FAM178B: variants seen among roughly 807,000 people sequenced by gnomAD.
FAM178B encodes family with sequence similarity 178 member B, also known as protein FAM178B.
In FAM178B, 82 loss-of-function variants were observed where a neutral mutation model predicts 91.7. The observed-to-expected ratio is 0.89, with a 90% CI of 0.75 to 1.07. The LOEUF is 1.07. Among genes scored for constraint, FAM178B ranks in the 50% least tolerant of loss-of-function variants. The probability of loss-of-function intolerance (pLI) is 0.00; values close to 1 mark genes in which losing one functional copy is unlikely to be tolerated. For missense variants in FAM178B, 769 were observed against 846.7 expected, an observed-to-expected ratio of 0.91 and a Z score of 1.14; for synonymous variants, 368 against 359.4, an observed-to-expected ratio of 1.02 and a Z score of -0.27.
At position 96,926,452 on chromosome 2, in the gene FAM178B, T is replaced by G. The variant is rs776996657; in HGVS notation, c.1193+2754A>C. On this transcript the variant is annotated intron_variant, in intron 9 of 16. Coordinates refer to ENST00000490605, the MANE Select transcript of FAM178B (RefSeq NM_001122646.3). The stretch of plus-strand genomic sequence containing the variant: ...TAGCAGGAACAGCCTTGGAGGACCA[T>G]GCACAGCTACCTAAAGACCTCCTTT... Among the ~76,000 whole-genome samples, 24 of 152,204 alleles carry G rather than the reference T, an allele frequency of 1.6e-4. No individual in the cohort carries two copies. In the East Asian group the frequency reaches 4.6e-3, roughly 29 times the overall value.
intron 13 of FAM178B, among the ~76,000 whole-genome samples, chr2:96,897,592 T>C (rs1045949837): frequency 1.3e-5 from 2 of 152,184 alleles, no homozygotes; most frequent in African/African-American, 4.8e-5. Flanking sequence ...CTAGAGTCCT[T>C]GTCTCTGTTC....
intron 6 of FAM178B, among the ~76,000 whole-genome samples, chr2:96,956,150 C>T (rs768337877): frequency 1.2e-4 from 19 of 152,232 alleles, no homozygotes; most frequent in Non-Finnish European, 2.1e-4. Flanking sequence ...CTTCCGCCCC[C>T]GAGTGGGATG....
intron 12 of FAM178B, among the ~76,000 whole-genome samples, chr2:96,905,816 GTGTATATATATATATATATATATATA>G (rs2081021822): frequency 2.9e-3 from 105 of 36,746 alleles, no homozygotes; most frequent in African/African-American, 8.7e-3. Flanking sequence ...ACATATATGT[GTGTATATATATATATATATATATATA>G]TATATATATA....
intron 8 of FAM178B, among the ~76,000 whole-genome samples, chr2:96,930,528 C>G (rs1468708292): frequency 2.0e-5 from 3 of 152,202 alleles, no homozygotes; most frequent in Admixed American, 6.5e-5. Flanking sequence ...CTCCTTCTGT[C>G]TCTCCCCGGT....
chr2:96,901,416 C>T (rs1362080594), intron 13 of FAM178B, among the ~76,000 whole-genome samples: 1 of 151,964 alleles, frequency 6.6e-6, no homozygotes, highest in Non-Finnish European at 1.5e-5. Context: ...TCAAGTGATC[C>T]GCCCACCTCG....
chr2:96,933,917 G>A (rs1276654290), intron 8 of FAM178B, among the ~76,000 whole-genome samples: 1 of 152,196 alleles, frequency 6.6e-6, no homozygotes, highest in Non-Finnish European at 1.5e-5. Flanking sequence ...TTTACGGGAG[G>A]CTTAAAATCC....
At chr2:96,905,768 C>G (rs1164510547) in intron 12 of FAM178B, among the ~76,000 whole-genome samples, 1 of 135,082 alleles carries the variant, frequency 7.4e-6, no homozygotes, top group Non-Finnish European at 1.5e-5. Context: ...GAAAACTCGT[C>G]TCTACTAAAA....
rs556121443 is a variant in FAM178B at position 96,971,992 on chromosome 2, T to A, written c.473A>T (p.His158Leu). The change falls in exon 3 of 17, where the codon CAC (histidine) becomes CTC (leucine). Residue 158 changes from histidine (H) to leucine (L), a missense_variant. Physicochemically the swap from His to Leu is moderately conservative, Grantham distance 99. Transcript: ENST00000490605. ...GCCCCTCTTCGGGTCCAAGTCCAGG[T>A]GTTCCTGCTCCAACTCCTCGGGCAG... ...GELPEELEQE[H>L]LDLDPKRGLA... The A allele has an allele frequency of 6.4e-7, 1 of 1,561,534 alleles. No homozygotes were observed. Among genetic ancestry groups the A allele is most frequent in the South Asian group, 1.2e-5 (1 of 84,704 alleles).
intron 13 of FAM178B, among the ~76,000 whole-genome samples, chr2:96,897,150 A>G (rs909660257): frequency 2.0e-5 from 3 of 152,184 alleles, no homozygotes; most frequent in Non-Finnish European, 4.4e-5. Context: ...TAGAGGAGTG[A>G]GCCACAGCGC....
intron 12 of FAM178B, among the ~76,000 whole-genome samples, chr2:96,906,176 G>A (rs529070539): frequency 4.0e-5 from 6 of 148,558 alleles, no homozygotes. Context: ...GAGCCACCGC[G>A]CCCAGCCAAT....
chr2:96,894,075 C>A, intron 13 of FAM178B, 24 bp from the exon 14 acceptor site: 2 of 1,588,506 alleles, frequency 1.3e-6, no homozygotes, highest in South Asian at 2.3e-5. Flanking sequence ...GGGAGGCTGT[C>A]ACTCACAGAG....
At chr2:96,890,953 T>C (rs576267494) in intron 14 of FAM178B, among the ~76,000 whole-genome samples, 14 of 152,360 alleles carry the variant, frequency 9.2e-5, no homozygotes, top group South Asian at 4.1e-4. Flanking sequence ...CACAGGGCCA[T>C]AGATAACCAA....
At chr2:96,896,547 G>A (rs2080828032) in intron 13 of FAM178B, among the ~76,000 whole-genome samples, 2 of 152,128 alleles carry the variant, frequency 1.3e-5, no homozygotes, top group Non-Finnish European at 2.9e-5. Context: ...CACCTAGGGC[G>A]AGAAGCAATG....
At chr2:96,879,972 G>A (rs977939338) in intron 14 of FAM178B, among the ~76,000 whole-genome samples, 1 of 152,216 alleles carries the variant, frequency 6.6e-6, no homozygotes, top group Non-Finnish European at 1.5e-5. Flanking sequence ...ACAGCTCACT[G>A]CCCCCTTGTC....
At chr2:96,914,195 C>A (rs2081204882) in intron 12 of FAM178B, among the ~76,000 whole-genome samples, 1 of 152,092 alleles carries the variant, frequency 6.6e-6, no homozygotes, top group Non-Finnish European at 1.5e-5. Flanking sequence ...TCCTGGTAGT[C>A]CGTGGAGAAA....
At chr2:96,900,116 T>C (rs2153369167) in intron 13 of FAM178B, among the ~76,000 whole-genome samples, 1 of 152,072 alleles carries the variant, frequency 6.6e-6, no homozygotes, top group East Asian at 1.9e-4. Context: ...TCTAACTCTC[T>C]CTCTGGCCAC....
intron 9 of FAM178B, among the ~76,000 whole-genome samples, chr2:96,925,493 A>C (rs899969828): frequency 1.3e-5 from 2 of 152,188 alleles, no homozygotes; most frequent in African/African-American, 2.4e-5. Context: ...TGCTGTTCTG[A>C]GCTGCAGCAT....
At chr2:96,961,320 T>TGC (rs1288966681) in intron 5 of FAM178B, among the ~76,000 whole-genome samples, 5 of 150,466 alleles carry the variant, frequency 3.3e-5, no homozygotes, top group Non-Finnish European at 7.4e-5. Flanking sequence ...AGGGTGTGTG[T>TGC]GTGTGTGTGT....
chr2:96,916,567 G>A (rs1324944061), intron 12 of FAM178B, among the ~76,000 whole-genome samples: 1 of 152,208 alleles, frequency 6.6e-6, no homozygotes. Flanking sequence ...ACAGAAGTGG[G>A]GATGGCATGC....
Sources: allele counts gnomAD v4.1 joint callset (sites outside exome capture counted in the v4.1 genomes callset), GRCh38; gene constraint gnomAD v4.1.1; transcripts MANE v1.5; gene names NCBI Gene and HGNC (gene_info 2026-07-23, HGNC 2026-07-21).